COX7B2: variants seen among roughly 807,000 people sequenced by gnomAD.
COX7B2 encodes cytochrome c oxidase subunit 7B2, also known as cytochrome c oxidase subunit 7B2, mitochondrial.
For missense variants in COX7B2, 109 were observed against 95.9 expected, an observed-to-expected ratio of 1.14 and a Z score of -0.57; for synonymous variants, 37 against 32.1, an observed-to-expected ratio of 1.15 and a Z score of -0.51.
At chr4:46,735,400 A>G (rs1159576174) in intron 2 of COX7B2, among the ~76,000 whole-genome samples, 159 bp from the exon 3 acceptor site, 1 of 152,204 alleles carries the variant, frequency 6.6e-6, no homozygotes, top group Non-Finnish European at 1.5e-5. Flanking sequence ...CCGATTAGCT[A>G]TATGAACTTG....
intron 2 of COX7B2, among the ~76,000 whole-genome samples, chr4:46,818,934 A>G (rs759288280): frequency 6.6e-6 from 1 of 152,220 alleles, no homozygotes; most frequent in Non-Finnish European, 1.5e-5. Context: ...TTAAGCATAA[A>G]AAATTCTTTC....
At chr4:46,742,882 GA>G (rs1192981520) in intron 2 of COX7B2, among the ~76,000 whole-genome samples, 1 of 152,132 alleles carries the variant, frequency 6.6e-6, no homozygotes, top group Non-Finnish European at 1.5e-5. Context: ...ATGGAGTGTT[GA>G]AAGTATTCAG....
Position 46,759,246 on chromosome 4 carries a change from G to A in COX7B2, c.-49-24005C>T, listed in dbSNP as rs370630764. On this transcript the variant is annotated intron_variant, in intron 2 of 2. Coordinates refer to ENST00000355591, the MANE Select transcript of COX7B2 (RefSeq NM_130902.3). ...AAACGAGGCACCAGAAGCAAAAACC[G>A]GAAGAAATAAACTAAGAAGTCCTTC... is the stretch of plus-strand genomic sequence containing the variant. 1.7e-4 allele frequency among the ~76,000 whole-genome samples: 26 copies of A among 152,076 alleles called. No homozygotes were observed. The East Asian group carries it at 2.5e-3, about 15-fold the overall frequency.
intron 2 of COX7B2, among the ~76,000 whole-genome samples, chr4:46,755,238 C>T (rs535591048): frequency 6.6e-6 from 1 of 152,080 alleles, no homozygotes; most frequent in East Asian, 1.9e-4. Flanking sequence ...AATTCAGCAT[C>T]GCTTCATGAT....
chr4:46,874,651 A>G (rs1279086401), intron 1 of COX7B2, among the ~76,000 whole-genome samples: 1 of 152,190 alleles, frequency 6.6e-6, no homozygotes, highest in African/African-American at 2.4e-5. Context: ...TAGGTTTTAT[A>G]TAGTCCCTGA....
At chr4:46,738,704 A>G (rs1439641263) in intron 2 of COX7B2, among the ~76,000 whole-genome samples, 1 of 152,140 alleles carries the variant, frequency 6.6e-6, no homozygotes, top group Non-Finnish European at 1.5e-5. Flanking sequence ...ATATGAAAGC[A>G]TAAAAAAGAA....
intron 2 of COX7B2, among the ~76,000 whole-genome samples, chr4:46,757,329 G>A (rs1176995318): frequency 4.0e-5 from 6 of 151,678 alleles, no homozygotes; most frequent in African/African-American, 1.5e-4. Context: ...GTGGGAGGGG[G>A]GTTATGGCTG....
intron 2 of COX7B2, among the ~76,000 whole-genome samples, chr4:46,838,364 T>A (rs1465057592): frequency 6.6e-6 from 1 of 152,072 alleles, no homozygotes; most frequent in Non-Finnish European, 1.5e-5. Context: ...ACATGTATAA[T>A]ATATATATTT....
rs368696335 is a variant in COX7B2 at position 46,884,745 on chromosome 4, T to A, written c.-105+24415A>T. On this transcript the variant is annotated intron_variant, in intron 1 of 2. Transcript: ENST00000355591. ...GAGCAGTTTTCTTAATCTTTTTGAA[T>A]GTTGTCCTTGTCTCCTTGGCTTAGC... 5.2e-5 allele frequency among the ~76,000 whole-genome samples: 8 copies of A among 152,388 alleles called. No homozygotes were observed. In the South Asian group the frequency reaches 1.2e-3, roughly 24 times the overall value.
intron 1 of COX7B2, among the ~76,000 whole-genome samples, chr4:46,860,266 A>G (rs559664245): frequency 3.3e-5 from 5 of 152,330 alleles, no homozygotes; most frequent in African/African-American, 4.8e-5. Context: ...CTGTAACACC[A>G]AATACCTACT....
chr4:46,848,101 C>A lies in COX7B2; in HGVS notation c.-104-3087G>T, dbSNP rs1716414453. ...GGGAGTGGGAGTCCTTGTAACCTAG[C>A]CAAGCTGTTCACTGCTAAGTAAATG... On this transcript the variant is annotated intron_variant, in intron 1 of 2. Transcript: ENST00000355591. 2.0e-5 allele frequency among the ~76,000 whole-genome samples: 3 copies of A among 151,950 alleles called. 1 individual carries two copies. The South Asian group carries it at 6.2e-4, about 31-fold the overall frequency.
intron 1 of COX7B2, among the ~76,000 whole-genome samples, chr4:46,868,018 T>A (rs1392322254): frequency 2.0e-5 from 3 of 152,164 alleles, no homozygotes; most frequent in African/African-American, 7.2e-5. Context: ...GCTTTTTTAT[T>A]GGTTGGTAGT....
intron 2 of COX7B2, among the ~76,000 whole-genome samples, chr4:46,815,785 G>C (rs1278828294): frequency 6.6e-6 from 1 of 152,216 alleles, no homozygotes; most frequent in Admixed American, 6.5e-5. Flanking sequence ...CAGGGCTTCA[G>C]AGAAATGTTG....
intron 1 of COX7B2, among the ~76,000 whole-genome samples, chr4:46,862,368 T>C (rs1428200204): frequency 6.6e-6 from 1 of 152,212 alleles, no homozygotes; most frequent in Non-Finnish European, 1.5e-5. Flanking sequence ...TGCTATCTTA[T>C]GACTAGAATT....
intron 1 of COX7B2, among the ~76,000 whole-genome samples, chr4:46,884,723 C>T (rs937936226): frequency 2.0e-5 from 3 of 152,098 alleles, no homozygotes; most frequent in Non-Finnish European, 4.4e-5. Flanking sequence ...GTTTTTTGAG[C>T]AGTTTTCTTA....
At chr4:46,774,763 T>C (rs1717064253) in intron 2 of COX7B2, among the ~76,000 whole-genome samples, 1 of 152,048 alleles carries the variant, frequency 6.6e-6, no homozygotes, top group African/African-American at 2.4e-5. Context: ...GTCAATATGG[T>C]AGCTGATAAT....
chr4:46,812,120 A>C (rs572776547), intron 2 of COX7B2, among the ~76,000 whole-genome samples: 30 of 152,276 alleles, frequency 2.0e-4, no homozygotes, highest in Admixed American at 5.9e-4. Context: ...ATACAGTAGC[A>C]CTGGAATATA....
intron 1 of COX7B2, among the ~76,000 whole-genome samples, chr4:46,872,790 T>C (rs1480188118): frequency 6.6e-6 from 1 of 152,148 alleles, no homozygotes; most frequent in Non-Finnish European, 1.5e-5. Context: ...AAAATGGGGA[T>C]AATTATGCTA....
chr4:46,778,612 G>A (rs1408066289), intron 2 of COX7B2, among the ~76,000 whole-genome samples: 9 of 152,112 alleles, frequency 5.9e-5, no homozygotes, highest in Non-Finnish European at 1.3e-4. Flanking sequence ...ATGTGCATTT[G>A]ATGCTAATGT....
Sources: allele counts gnomAD v4.1 joint callset (sites outside exome capture counted in the v4.1 genomes callset), GRCh38; gene constraint gnomAD v4.1.1; transcripts MANE v1.5; gene names NCBI Gene and HGNC (gene_info 2026-07-23, HGNC 2026-07-21).